ATP13A5: variants seen among roughly 807,000 people sequenced by gnomAD.
ATP13A5 encodes the protein ATPase 13A5.
A neutral mutation model predicts 150.2 loss-of-function variants in ATP13A5; 149 were observed. That is an observed-to-expected ratio of 0.99 (90% CI 0.87 to 1.14). ATP13A5 has a LOEUF of 1.14. ATP13A5 is among the 50% of genes most tolerant of loss of function. The pLI is 0.00. For synonymous variants in ATP13A5, 497 were observed against 522.2 expected (o/e 0.95, Z 0.66); for missense variants, 1,383 against 1,449.3 (o/e 0.95, Z 0.74).
At chr3:193,291,642 T>G (rs1351843017) in intron 25 of ATP13A5, among the ~76,000 whole-genome samples, 1 of 151,906 alleles carries the variant, frequency 6.6e-6, no homozygotes, top group Non-Finnish European at 1.5e-5. Flanking sequence ...GAGACTAAGT[T>G]TGACCTCACA....
intron 13 of ATP13A5, among the ~76,000 whole-genome samples, chr3:193,325,450 G>A (rs112644679): frequency 9.2e-5 from 14 of 152,310 alleles, no homozygotes; most frequent in African/African-American, 3.4e-4. Flanking sequence ...CAATAACATA[G>A]TTTCAGAGGC....
intron 1 of ATP13A5, among the ~76,000 whole-genome samples, chr3:193,374,510 T>C (rs1394886724): frequency 2.0e-5 from 3 of 152,080 alleles, no homozygotes; most frequent in Non-Finnish European, 2.9e-5. Context: ...CCAGCTGTTG[T>C]AGCGCATGCC....
chr3:193,344,928 A>T, intron 8 of ATP13A5, 75 bp downstream of exon 8: 1 of 1,355,766 alleles, frequency 7.4e-7, no homozygotes. Context: ...CTCCTTGACT[A>T]ATAATTAAGG....
intron 26 of ATP13A5, among the ~76,000 whole-genome samples, chr3:193,285,842 G>C (rs112055374): frequency 2.0e-5 from 3 of 152,118 alleles, no homozygotes; most frequent in Non-Finnish European, 4.4e-5. Context: ...AGTGGTACTA[G>C]TGCCCACAAA....
At chr3:193,358,425 A>G (rs1712873366) in intron 5 of ATP13A5, among the ~76,000 whole-genome samples, 1 of 152,196 alleles carries the variant, frequency 6.6e-6, no homozygotes. Flanking sequence ...ATAGCACAAC[A>G]AGAGTGCTGG....
chr3:193,360,978 T>G (rs1003853737), intron 5 of ATP13A5, among the ~76,000 whole-genome samples: 3 of 152,174 alleles, frequency 2.0e-5, no homozygotes, highest in Admixed American at 6.5e-5. Context: ...CGCCCAGTCA[T>G]GGATCAGATT....
At chr3:193,356,011 A>T (rs866906566) in intron 5 of ATP13A5, among the ~76,000 whole-genome samples, 1 of 152,168 alleles carries the variant, frequency 6.6e-6, no homozygotes, top group South Asian at 2.1e-4. Context: ...GTTCCCTCCA[A>T]CTGGAACTAA....
At chr3:193,352,357 A>G (rs904280806) in intron 6 of ATP13A5, among the ~76,000 whole-genome samples, 5 of 152,254 alleles carry the variant, frequency 3.3e-5, no homozygotes, top group Non-Finnish European at 1.5e-5. Context: ...AAATGATAAT[A>G]TGATCTTGAA....
chr3:193,374,534 A>C (rs577411453), intron 1 of ATP13A5, among the ~76,000 whole-genome samples: 3 of 152,044 alleles, frequency 2.0e-5, no homozygotes. Context: ...GGTCCCAGCT[A>C]TATGGGAGGC....
intron 7 of ATP13A5, among the ~76,000 whole-genome samples, chr3:193,346,166 T>C (rs1292990575): frequency 6.6e-6 from 1 of 152,150 alleles, no homozygotes; most frequent in Non-Finnish European, 1.5e-5. Flanking sequence ...ATTTTATTCT[T>C]ATAGAGCCCT....
At position 193,335,066 on chromosome 3, in the gene ATP13A5, G is replaced by A. The variant is rs774978644; in HGVS notation, c.977C>T (p.Pro326Leu). The change falls in exon 10 of 30, where the codon CCC (proline) becomes CTC (leucine). Residue 326 changes from proline (P) to leucine (L), a missense_variant. Coordinates refer to ENST00000342358, the MANE Select transcript of ATP13A5 (RefSeq NM_198505.4). ...CCAAGGCATAGTGTTCTCCATCTGGGGCAATGGTGTCTTTGTAACAGGTAT... is the reference window on the plus strand; with the variant it reads ...CCAAGGCATAGTGTTCTCCATCTGGAGCAATGGTGTCTTTGTAACAGGTAT... Reference protein sequence around the residue: ...ESIPVTKTPLPQMENTMPWKC... With the variant: ...ESIPVTKTPLLQMENTMPWKC... 21 of 1,613,740 alleles carry A rather than the reference G, an allele frequency of 1.3e-5. No individual in the cohort carries two copies. In the African/African-American group the frequency reaches 2.1e-4, roughly 16 times the overall value.
At chr3:193,320,309 TC>T (rs775718285) in intron 16 of ATP13A5, among the ~76,000 whole-genome samples, 12 of 152,346 alleles carry the variant, frequency 7.9e-5, no homozygotes, top group Non-Finnish European at 1.0e-4. Context: ...GAGGTGGGAA[TC>T]TAATTTCAAG....
intron 25 of ATP13A5, 151 bp from the exon 26 acceptor site, chr3:193,290,210 G>A (rs1378813838): frequency 2.9e-6 from 2 of 686,114 alleles, no homozygotes; most frequent in Admixed American, 6.9e-5. Context: ...CACATTGCCT[G>A]GTGGCACATC....
At chr3:193,325,075 AATCTT>A in intron 13 of ATP13A5, 61 bp from the exon 14 acceptor site, 1 of 1,532,278 alleles carries the variant, frequency 6.5e-7, no homozygotes, top group Non-Finnish European at 8.9e-7. Context: ...CTGTCCCTTA[AATCTT>A]ACTAAAGTGG....
chr3:193,322,847 C>A (rs1719334130), intron 14 of ATP13A5, among the ~76,000 whole-genome samples: 1 of 152,104 alleles, frequency 6.6e-6, no homozygotes, highest in East Asian at 1.9e-4. Flanking sequence ...ATGGATCTTT[C>A]TAAATGATTA....
intron 28 of ATP13A5, chr3:193,277,722 G>C (rs1717288496): frequency 6.6e-6 from 1 of 152,240 alleles, no homozygotes; most frequent in South Asian, 2.1e-4. Flanking sequence ...AGCTGGGTCA[G>C]ATTCTAGCAG....
At chr3:193,287,722 C>G (rs1162219424) in intron 26 of ATP13A5, among the ~76,000 whole-genome samples, 1 of 151,988 alleles carries the variant, frequency 6.6e-6, no homozygotes, top group African/African-American at 2.4e-5. Flanking sequence ...ATTCTGTAGC[C>G]CATGGATCAA....
chr3:193,305,514 A>C, intron 23 of ATP13A5, 45 bp downstream of exon 23: 2 of 1,414,406 alleles, frequency 1.4e-6, no homozygotes, highest in Non-Finnish European at 2.0e-6. Flanking sequence ...GAGCCAGACA[A>C]TGGGCCCATT....
chr3:193,346,195 T>C (rs1261704417), intron 7 of ATP13A5, among the ~76,000 whole-genome samples: 2 of 152,162 alleles, frequency 1.3e-5, no homozygotes, highest in African/African-American at 2.4e-5. Flanking sequence ...TACTCAATAC[T>C]ATGCTAAGAG....
Sources: gnomAD v4.1 joint callset for allele counts (sites outside exome capture counted in the v4.1 genomes callset) on GRCh38, gnomAD v4.1.1 for gene constraint, MANE v1.5 for transcripts, NCBI Gene and HGNC (gene_info 2026-07-23, HGNC 2026-07-21) for gene names.